SAMMSON: variants seen among roughly 807,000 people sequenced by gnomAD.
SAMMSON encodes survival associated mitochondrial melanoma specific oncogenic non-coding RNA, also known as long intergenic non-protein coding RNA 1212.
In SAMMSON at chr3:70,361,414, A is replaced by G. The variant is rs186232606; in HGVS notation, n.913+3090A>G. On this transcript the variant is annotated intron_variant and non_coding_transcript_variant, in intron 9 of 9. Coordinates refer to ENST00000642114, the Ensembl canonical transcript of SAMMSON. ...GGAAAGGAATTTTTATCCTCTTTGG[A>G]TAAATTTCTGTTGTCTCTGGGCCGT... Among the ~76,000 whole-genome samples, 379 of 152,280 alleles carry G rather than the reference A, an allele frequency of 2.5e-3. 3 individuals are homozygous for G. Among genetic ancestry groups the G allele is most frequent in the African/African-American group, 8.9e-3 (368 of 41,564 alleles).
chr3:70,258,243 C>T (rs1020532247), intron 6 of SAMMSON, among the ~76,000 whole-genome samples: 2 of 152,080 alleles, frequency 1.3e-5, no homozygotes, highest in African/African-American at 4.8e-5. Flanking sequence ...GCAACAATTT[C>T]TTAGATCAGA....
rs568607180 is a variant in SAMMSON at position 70,297,123 on chromosome 3, C to A, written n.739+5880C>A. The stretch of plus-strand genomic sequence containing the variant: ...GATAGACACCTATTTCTCTCTGAAC[C>A]TTGCTTACTTAAAAAAATATTTTTA... On this transcript the variant is annotated intron_variant and non_coding_transcript_variant, in intron 7 of 9. Coordinates refer to ENST00000642114, the Ensembl canonical transcript of SAMMSON. Among the ~76,000 whole-genome samples, 9 of 152,164 alleles carry A rather than the reference C, an allele frequency of 5.9e-5. 1 individual carries two copies. The South Asian group carries it at 1.9e-3, about 32-fold the overall frequency.
chr3:70,358,901 C>T (rs1053895212), intron 9 of SAMMSON, among the ~76,000 whole-genome samples: 1 of 152,028 alleles, frequency 6.6e-6, no homozygotes, highest in Admixed American at 6.6e-5. Flanking sequence ...GAATTTATGG[C>T]TTTGGTTTTA....
At chr3:70,185,792 A>C (rs893450219) in intron 4 of SAMMSON, among the ~76,000 whole-genome samples, 3 of 144,920 alleles carry the variant, frequency 2.1e-5, no homozygotes, top group African/African-American at 7.7e-5. Context: ...GCAGCATAGC[A>C]AGACCCCGCC....
intron 9 of SAMMSON, among the ~76,000 whole-genome samples, chr3:70,364,937 A>T (rs1350243798): frequency 6.6e-6 from 1 of 151,698 alleles, no homozygotes; most frequent in Non-Finnish European, 1.5e-5. Context: ...TCTTTCAATG[A>T]GATCGTGTTA....
intron 2 of SAMMSON, chr3:70,425,120 G>A (rs76152365): frequency 0.014 from 2,155 of 152,288 alleles, 24 homozygotes; most frequent in South Asian, 0.043. Flanking sequence ...ACTATACTAT[G>A]TGTCAAGCGA....
chr3:70,021,828 A>G (rs1007387375), intron 3 of SAMMSON, among the ~76,000 whole-genome samples: 11 of 152,346 alleles, frequency 7.2e-5, no homozygotes, highest in African/African-American at 2.6e-4. Flanking sequence ...CTTGACTTAA[A>G]AAAACTAGCT....
At chr3:70,268,199 G>A (rs1044937611) in intron 6 of SAMMSON, among the ~76,000 whole-genome samples, 1 of 152,090 alleles carries the variant, frequency 6.6e-6, no homozygotes, top group Non-Finnish European at 1.5e-5. Context: ...GGCTGGGCGC[G>A]GTAGCTCACG....
chr3:70,384,076 A>G (rs561374994), intron 9 of SAMMSON, among the ~76,000 whole-genome samples: 30 of 152,172 alleles, frequency 2.0e-4, no homozygotes, highest in African/African-American at 6.3e-4. Context: ...CAGGAGCAGA[A>G]AGCAAGGGCT....
At chr3:70,054,427 C>T (rs898204663) in intron 3 of SAMMSON, among the ~76,000 whole-genome samples, 1 of 152,096 alleles carries the variant, frequency 6.6e-6, no homozygotes, top group African/African-American at 2.4e-5. Flanking sequence ...GAAATCTGTA[C>T]CTCATAACGC....
intron 7 of SAMMSON, among the ~76,000 whole-genome samples, chr3:70,320,811 A>C (rs59229117): frequency 0.12 from 18,539 of 152,082 alleles, 1,248 homozygotes; most frequent in South Asian, 0.17. Flanking sequence ...TGTAGGGTCT[A>C]AGTCAGCTAG....
chr3:70,010,819 C>T (rs1244451195), intron 1 of SAMMSON, among the ~76,000 whole-genome samples: 1 of 152,132 alleles, frequency 6.6e-6, no homozygotes, highest in African/African-American at 2.4e-5. Flanking sequence ...GAGCAGCAGG[C>T]ACCTTCTTCA....
intron 4 of SAMMSON, among the ~76,000 whole-genome samples, chr3:70,089,933 C>T (rs2067299437): frequency 6.6e-6 from 1 of 151,912 alleles, no homozygotes; most frequent in African/African-American, 2.4e-5. Flanking sequence ...GGTAAATGTC[C>T]CCATTTTGCT....
At chr3:70,401,881 G>C (rs1324502071) in intron 2 of SAMMSON, among the ~76,000 whole-genome samples, 1 of 152,072 alleles carries the variant, frequency 6.6e-6, no homozygotes, top group African/African-American at 2.4e-5. Context: ...CATTTACAAG[G>C]TTCTTCTTTA....
chr3:70,363,802 G>C (rs11922661), intron 9 of SAMMSON, among the ~76,000 whole-genome samples: 2 of 5,150 alleles, frequency 3.9e-4, no homozygotes, highest in East Asian at 0.036. Flanking sequence ...TGCATTGTCT[G>C]TGTGTGTGTG....
At chr3:70,414,083 T>TGTC in intron 2 of SAMMSON, among the ~76,000 whole-genome samples, 1 of 152,282 alleles carries the variant, frequency 6.6e-6, no homozygotes, top group East Asian at 1.9e-4. Context: ...TACATTTATC[T>TGTC]TAGATAACTT....
At chr3:70,185,101 T>C (rs1701082402) in intron 4 of SAMMSON, among the ~76,000 whole-genome samples, 1 of 152,210 alleles carries the variant, frequency 6.6e-6, no homozygotes, top group Admixed American at 6.5e-5. Context: ...CATATCCATG[T>C]GTTTTTGGAA....
chr3:70,126,128 G>A, intron 4 of SAMMSON: 1 of 1,272,556 alleles, frequency 7.9e-7, no homozygotes, highest in South Asian at 1.3e-5. Flanking sequence ...GTGCTGGAAG[G>A]TGGTGGGTAC....
intron 7 of SAMMSON, among the ~76,000 whole-genome samples, chr3:70,296,668 CA>C (rs1280987684): frequency 1.3e-5 from 2 of 152,128 alleles, no homozygotes; most frequent in Non-Finnish European, 2.9e-5. Flanking sequence ...CAATTACCAG[CA>C]AGTCTTGACA....
Sources: allele counts gnomAD v4.1 joint callset (sites outside exome capture counted in the v4.1 genomes callset), GRCh38; gene constraint gnomAD v4.1.1; transcripts MANE v1.5; gene names NCBI Gene and HGNC (gene_info 2026-07-23, HGNC 2026-07-21).